KATNAL2: variants seen among roughly 807,000 people sequenced by gnomAD.
KATNAL2 encodes katanin catalytic subunit A1 like 2.
KATNAL2 carries 52 observed loss-of-function variants against 76.3 expected under a neutral mutation model. The ratio of observed to expected loss-of-function variants is 0.68; its 90% CI spans 0.55 to 0.86. The LOEUF (loss-of-function observed/expected upper bound fraction) is 0.86. Among genes scored for constraint, KATNAL2 ranks in the 40% least tolerant of loss-of-function variants. The pLI is 0.00. For synonymous variants in KATNAL2, 243 were observed against 244.2 expected, an observed-to-expected ratio of 1.00 and a Z score of 0.05; for missense variants, 660 against 668.9, an observed-to-expected ratio of 0.99 and a Z score of 0.15.
intron 15 of KATNAL2, among the ~76,000 whole-genome samples, chr18:47,091,924 C>G (rs898872639): frequency 3.9e-5 from 6 of 152,180 alleles, no homozygotes; most frequent in African/African-American, 1.4e-4. Flanking sequence ...AGCAACTGCT[C>G]ATTACCCTGT....
In KATNAL2 at chr18:47,046,532, G is replaced by C. The variant is rs751077803; in HGVS notation, c.122+5G>C. 5.3e-5 allele frequency: 81 copies of C among 1,523,198 alleles called. No homozygotes were observed. The highest frequency in any genetic ancestry group is 6.7e-5 in the Non-Finnish European group (76 of 1,135,222). The allele number at this position is 1,523,198 out of a possible 1,614,324, so 94.4% of individuals were successfully genotyped here. On this transcript the variant is annotated splice_donor_5th_base_variant and intron_variant, in intron 4 of 17. Coordinates refer to ENST00000683218, the MANE Select transcript of KATNAL2 (RefSeq NM_001387690.1). ...GCATTATTTAACACAAGAAGGGTAT[G>C]TTACAGTACAAACATTTATAGAGAT...
chr18:46,924,948 G>A (rs774422347), intron 1 of KATNAL2, among the ~76,000 whole-genome samples: 1 of 152,208 alleles, frequency 6.6e-6, no homozygotes, highest in Non-Finnish European at 1.5e-5. Context: ...CTGAGACTTT[G>A]CTGAAGTTGC....
intron 3 of KATNAL2, among the ~76,000 whole-genome samples, chr18:46,965,909 C>A (rs1405388301): frequency 1.7e-4 from 25 of 145,864 alleles, no homozygotes; most frequent in African/African-American, 6.3e-4. Flanking sequence ...TCTATGGTGT[C>A]GGCTATTGTT....
At chr18:47,036,910 A>T (rs780079293) in intron 3 of KATNAL2, among the ~76,000 whole-genome samples, 8 of 152,218 alleles carry the variant, frequency 5.3e-5, no homozygotes, top group Non-Finnish European at 1.0e-4. Flanking sequence ...AAAGTTAGGA[A>T]GTTTCCTGGC....
At chr18:47,035,053 G>T in intron 3 of KATNAL2, 3 of 1,611,850 alleles carry the variant, frequency 1.9e-6, no homozygotes, top group Non-Finnish European at 2.5e-6. Flanking sequence ...CTTCCACCGG[G>T]CCGCTAAGTC....
intron 1 of KATNAL2, among the ~76,000 whole-genome samples, chr18:46,926,529 T>C (rs912490140): frequency 3.4e-4 from 52 of 152,120 alleles, no homozygotes; most frequent in African/African-American, 1.2e-3. Context: ...TTGGAGTAGG[T>C]GTGGTGTGGT....
intron 15 of KATNAL2, among the ~76,000 whole-genome samples, chr18:47,087,780 G>A (rs1304845963): frequency 6.6e-6 from 1 of 151,268 alleles, no homozygotes; most frequent in Non-Finnish European, 1.5e-5. Flanking sequence ...GTGTGTGTGT[G>A]TGTAGAGCAC....
intron 17 of KATNAL2, 144 bp downstream of exon 17, chr18:47,100,500 T>G: frequency 3.0e-6 from 2 of 656,198 alleles, no homozygotes; most frequent in Non-Finnish European, 2.6e-6. Flanking sequence ...ACTCAACTCA[T>G]TCCTCCGTGG....
At chr18:46,938,836 T>C (rs1425605832) in intron 1 of KATNAL2, among the ~76,000 whole-genome samples, 2 of 152,100 alleles carry the variant, frequency 1.3e-5, no homozygotes, top group African/African-American at 2.4e-5. Flanking sequence ...CTTCCTCCAG[T>C]ATCATTATCT....
Position 46,960,840 on chromosome 18 carries a change from T to C in KATNAL2, c.51+13917T>C, listed in dbSNP as rs547717945. On this transcript the variant is annotated intron_variant, in intron 3 of 17. Coordinates refer to ENST00000683218, the MANE Select transcript of KATNAL2 (RefSeq NM_001387690.1). ...AACTGATTTGCAAGTAACTAAACTG[T>C]AGAGGGACGAGACGCGGACAAAACC... is the stretch of plus-strand genomic sequence containing the variant. Among the ~76,000 whole-genome samples the C allele has an allele frequency of 1.1e-3, 170 of 152,272 alleles. 1 individual carries two copies. Among genetic ancestry groups the C allele is most frequent in the African/African-American group, 3.9e-3 (161 of 41,550 alleles).
chr18:47,098,567 G>A (rs994410636), intron 15 of KATNAL2: 12 of 155,892 alleles, frequency 7.7e-5, no homozygotes, highest in African/African-American at 2.9e-4. Flanking sequence ...AGATTTGGGT[G>A]GGGACACAGA....
At chr18:46,918,150 G>T (rs866167644) in intron 1 of KATNAL2, 1 of 152,128 alleles carries the variant, frequency 6.6e-6, no homozygotes, top group Non-Finnish European at 1.5e-5. Context: ...CTGATAGCTA[G>T]GAAGGAGTCA....
chr18:46,960,508 C>T (rs183005096), intron 3 of KATNAL2, among the ~76,000 whole-genome samples: 1 of 151,430 alleles, frequency 6.6e-6, no homozygotes, highest in Admixed American at 6.6e-5. Flanking sequence ...TTGCTTAGAA[C>T]TGGGAGGGAA....
chr18:47,043,014 C>T (rs909602902), intron 3 of KATNAL2, among the ~76,000 whole-genome samples: 2 of 151,980 alleles, frequency 1.3e-5, no homozygotes, highest in African/African-American at 4.8e-5. Context: ...GATCACGAGG[C>T]CAGGAGATCG....
At chr18:47,099,426 G>A (rs1235277033) in intron 16 of KATNAL2, 21 bp downstream of exon 16, 2 of 1,592,980 alleles carry the variant, frequency 1.3e-6, no homozygotes, top group Non-Finnish European at 1.7e-6. Context: ...CTGGAGAGGG[G>A]CACATGTAGG....
intron 4 of KATNAL2, among the ~76,000 whole-genome samples, chr18:47,049,666 A>G (rs930684558): frequency 6.6e-6 from 1 of 152,214 alleles, no homozygotes. Context: ...AAGTCACAGT[A>G]TTCAAGGTTT....
At chr18:47,081,127 ACTTT>A (rs2062497446) in intron 15 of KATNAL2, among the ~76,000 whole-genome samples, 1 of 145,704 alleles carries the variant, frequency 6.9e-6, no homozygotes, top group Admixed American at 6.9e-5. Flanking sequence ...TCTATCCATC[ACTTT>A]CTTTCTCTCT....
intron 15 of KATNAL2, among the ~76,000 whole-genome samples, chr18:47,080,705 CTTGTTA>C (rs2062466559): frequency 6.6e-6 from 1 of 152,174 alleles, no homozygotes; most frequent in Non-Finnish European, 1.5e-5. Flanking sequence ...CTCGCTAACG[CTTGTTA>C]TTATATGTCT....
chr18:47,099,522 C>T (rs944669128), intron 16 of KATNAL2, 117 bp downstream of exon 16: 11 of 976,976 alleles, frequency 1.1e-5, no homozygotes, highest in Admixed American at 3.1e-5. Flanking sequence ...AAGATCCAAG[C>T]TGCCCCCGTA....
Sources: gnomAD v4.1 joint callset for allele counts (sites outside exome capture counted in the v4.1 genomes callset) on GRCh38, gnomAD v4.1.1 for gene constraint, MANE v1.5 for transcripts, NCBI Gene and HGNC (gene_info 2026-07-23, HGNC 2026-07-21) for gene names.